The following CDC42BPB variants were observed in gnomAD, a reference collection of about 807,000 sequenced individuals.
CDC42BPB encodes CDC42 binding protein kinase beta, also known as serine/threonine-protein kinase MRCK beta.
CDC42BPB carries 37 observed loss-of-function variants against 214.9 expected under a neutral mutation model. That is an observed-to-expected ratio of 0.17 (90% CI 0.13 to 0.23). The LOEUF (loss-of-function observed/expected upper bound fraction) is 0.23, where lower values mean the gene tolerates loss of function less well. Among genes scored for constraint, CDC42BPB ranks in the 10% least tolerant of loss-of-function variants. The pLI, the probability that CDC42BPB is intolerant of heterozygous loss-of-function variation, is 1.00. For synonymous variants in CDC42BPB, 931 were observed against 884.0 expected (o/e 1.05, Z -0.94); for missense variants, 1,694 against 2,227.0 (o/e 0.76, Z 4.82).
intron 1 of CDC42BPB, chr14:103,042,196 G>A (rs1888038465): frequency 6.5e-6 from 1 of 153,970 alleles, no homozygotes. Flanking sequence ...ATACCATCAA[G>A]ATAGTGAAAT....
chr14:102,948,835 G>A (rs915276327), intron 26 of CDC42BPB, among the ~76,000 whole-genome samples: 15 of 151,972 alleles, frequency 9.9e-5, no homozygotes, highest in African/African-American at 3.4e-4. Context: ...CCAACTTTTC[G>A]TCTACCAGTG....
intron 30 of CDC42BPB, among the ~76,000 whole-genome samples, chr14:102,941,772 C>T (rs1891901450): frequency 1.3e-5 from 2 of 152,254 alleles, no homozygotes. Context: ...CTGTGGCCTT[C>T]AGCTGCCTCC....
chr14:102,952,083 C>T (rs1892515299), intron 24 of CDC42BPB, among the ~76,000 whole-genome samples: 1 of 152,136 alleles, frequency 6.6e-6, no homozygotes, highest in Admixed American at 6.5e-5. Context: ...TGCAGTGGCT[C>T]ATGCCTGTAA....
In CDC42BPB at chr14:103,043,877, A is replaced by T. The variant is rs191914594; in HGVS notation, c.175+13122T>A. Among the ~76,000 whole-genome samples, 74 of 152,132 alleles carry T rather than the reference A, an allele frequency of 4.9e-4. 1 individual carries two copies. The highest frequency in any genetic ancestry group is 8.1e-4 in the Non-Finnish European group (55 of 67,976). ...TTCATAAACACAAATCTTGCTTTTTAAAAAAAATAATTAAATATTTGTAGA... is the reference window on the plus strand; with the variant it reads ...TTCATAAACACAAATCTTGCTTTTTTAAAAAAATAATTAAATATTTGTAGA... On this transcript the variant is annotated intron_variant, in intron 1 of 36. Coordinates refer to ENST00000361246, the MANE Select transcript of CDC42BPB (RefSeq NM_006035.4).
intron 8 of CDC42BPB, among the ~76,000 whole-genome samples, chr14:102,979,698 C>T (rs867206614): frequency 1.3e-5 from 2 of 152,160 alleles, no homozygotes; most frequent in South Asian, 2.1e-4. Context: ...TAATAAGCAA[C>T]GAAGAAGATT....
In CDC42BPB at chr14:103,016,002, CACT is replaced by C. The variant is rs1183038639; in HGVS notation, c.176-3817_176-3815del. On this transcript the variant is annotated intron_variant, in intron 1 of 36. Coordinates refer to ENST00000361246, the MANE Select transcript of CDC42BPB (RefSeq NM_006035.4). Reference sequence around the variant, plus strand: ...AAGTGCTGGGATTACAGGCGTGAGCCACTGCGCCCGGCCGAGGCTGGAATTTTT... The same window carrying C: ...AAGTGCTGGGATTACAGGCGTGAGCCGCGCCCGGCCGAGGCTGGAATTTTT... 6.6e-5 allele frequency among the ~76,000 whole-genome samples: 10 copies of C among 152,050 alleles called. 1 individual carries two copies. Among genetic ancestry groups the C allele is most frequent in the Non-Finnish European group, 1.5e-4 (10 of 68,010 alleles).
intron 4 of CDC42BPB, among the ~76,000 whole-genome samples, chr14:103,002,462 T>A (rs1018469531): frequency 6.6e-6 from 1 of 152,184 alleles, no homozygotes; most frequent in Non-Finnish European, 1.5e-5. Flanking sequence ...TTTAAAAAAA[T>A]ATTAGAAACA....
chr14:102,963,112 C>T lies in CDC42BPB; in HGVS notation c.2770G>A (p.Glu924Lys), dbSNP rs979915485. ...SEAKNRELLE[E>K]MEILKKKMEE... ...ATCTTTTTCTTCAAAATTTCCATTT[C>T]TTCTAATAATTCTCTGTTTTTGGCT... Residue 924 changes from glutamate (E) to lysine (K), a missense_variant, in exon 20 of 37, where the codon GAA becomes AAA. This residue lies in a region of CDC42BPB where 156 missense variants were observed against 154.5 expected (regional missense o/e 1.01). Coordinates refer to ENST00000361246, the MANE Select transcript of CDC42BPB (RefSeq NM_006035.4). 2.5e-6 allele frequency: 4 copies of T among 1,593,684 alleles called. No individual in the cohort carries two copies. Among genetic ancestry groups the T allele is most frequent in the South Asian group, 2.2e-5 (2 of 90,056 alleles).
At position 102,938,315 on chromosome 14, in the gene CDC42BPB, G is replaced by A; in HGVS notation, c.4924C>T (p.Pro1642Ser). 6.2e-7 allele frequency: 1 copy of A among 1,608,214 alleles called. No individual in the cohort carries two copies. Among genetic ancestry groups the A allele is most frequent in the Non-Finnish European group, 8.5e-7 (1 of 1,177,454 alleles). ...CAGGCTTCCCCTGTACCTGATGAGG[G>A]CCACGAGATGTAGGGCTTGTTCCTG... ...PSRNKPYISW[P>S]SSGGSEPSVT... is the part of the protein sequence containing the mutation. The change falls in exon 35 of 37, where the codon CCC (proline) becomes TCC (serine). Residue 1642 changes from proline (P) to serine (S), a missense_variant. This residue lies in a region of CDC42BPB where 146 missense variants were observed against 134.1 expected (regional missense o/e 1.09). Transcript: ENST00000361246.
chr14:102,995,591 G>T (rs1231918962), intron 5 of CDC42BPB, among the ~76,000 whole-genome samples: 1 of 152,212 alleles, frequency 6.6e-6, no homozygotes, highest in African/African-American at 2.4e-5. Context: ...CAGGGTCCTG[G>T]TCTGCCACTG....
At chr14:102,962,887 CT>C (rs555442266) in intron 20 of CDC42BPB, among the ~76,000 whole-genome samples, 173 bp downstream of exon 20, 138 of 152,194 alleles carry the variant, frequency 9.1e-4, no homozygotes, top group Non-Finnish European at 1.4e-3. Flanking sequence ...CAATGGCTAC[CT>C]TTGGGGAAAA....
At chr14:103,019,399 C>A (rs900838343) in intron 1 of CDC42BPB, among the ~76,000 whole-genome samples, 1 of 152,190 alleles carries the variant, frequency 6.6e-6, no homozygotes, top group Non-Finnish European at 1.5e-5. Context: ...TCAGCCATGG[C>A]ACCTGGGCAT....
intron 19 of CDC42BPB, among the ~76,000 whole-genome samples, chr14:102,963,875 TAG>T (rs1366874641): frequency 2.0e-5 from 3 of 152,250 alleles, no homozygotes; most frequent in Non-Finnish European, 2.9e-5. Flanking sequence ...GTAATTCTGT[TAG>T]AGACACTGTC....
intron 1 of CDC42BPB, among the ~76,000 whole-genome samples, chr14:103,038,119 G>A (rs543957342): frequency 3.3e-5 from 5 of 151,500 alleles, no homozygotes; most frequent in South Asian, 2.1e-4. Context: ...GGTGGATCAC[G>A]AGGTCGAGAG....
chr14:102,983,764 G>T lies in CDC42BPB; in HGVS notation c.691-8C>A. The T allele has an allele frequency of 6.2e-7, 1 of 1,611,040 alleles. No homozygotes were observed. Among genetic ancestry groups the T allele is most frequent in the Non-Finnish European group, 8.5e-7 (1 of 1,179,786 alleles). ...GGCCACGGAGGACTGCACCTTAGGGGAGAAGGAGGTGCTGAAGGAAACCCT... is the reference window on the plus strand; with the variant it reads ...GGCCACGGAGGACTGCACCTTAGGGTAGAAGGAGGTGCTGAAGGAAACCCT... On this transcript the variant is annotated splice_region_variant and splice_polypyrimidine_tract_variant and intron_variant, in intron 6 of 36. Coordinates refer to ENST00000361246, the MANE Select transcript of CDC42BPB (RefSeq NM_006035.4).
At chr14:102,981,147 T>C in intron 7 of CDC42BPB, 126 bp from the exon 8 acceptor site, 1 of 1,484,726 alleles carries the variant, frequency 6.7e-7, no homozygotes, top group Non-Finnish European at 8.9e-7. Context: ...GGGAACTAAA[T>C]GCAATCCAAA....
At chr14:103,036,506 A>G (rs1887674918) in intron 1 of CDC42BPB, among the ~76,000 whole-genome samples, 1 of 152,158 alleles carries the variant, frequency 6.6e-6, no homozygotes, top group Admixed American at 6.5e-5. Context: ...TCCTAAAACT[A>G]CAGTAATTCT....
At chr14:102,981,162 A>G (rs1242905390) in intron 7 of CDC42BPB, 141 bp from the exon 8 acceptor site, 2 of 1,450,652 alleles carry the variant, frequency 1.4e-6, no homozygotes, top group Non-Finnish European at 1.8e-6. Context: ...TCCAAAGCTA[A>G]TAAATTTCCA....
Position 103,004,154 on chromosome 14 carries a change from T to C in CDC42BPB, c.352-131A>G. ...TCCCTGCCTTCCGGGCTCCTCCTCG[T>C]GCACCACCCCGAGGCTGCTGAGGCT... is the stretch of plus-strand genomic sequence containing the variant. On this transcript the variant is annotated intron_variant, in intron 3 of 36. Transcript: ENST00000361246. The surrounding 1 kb of genome is among the most constrained non-coding windows in gnomAD (Gnocchi z 5.3). The C allele has an allele frequency of 7.1e-7, 1 of 1,403,682 alleles. No individual in the cohort carries two copies. The highest frequency in any genetic ancestry group is 9.3e-7 in the Non-Finnish European group (1 of 1,074,304). 87.0% of individuals were successfully genotyped at this position (1,403,682 alleles called of 1,614,324 possible).
Sources: allele counts gnomAD v4.1 joint callset (sites outside exome capture counted in the v4.1 genomes callset), GRCh38; gene constraint gnomAD v4.1.1; regional missense constraint gnomAD v4.1.1; non-coding constraint Gnocchi (gnomAD v3.1); transcripts MANE v1.5; gene names NCBI Gene and HGNC (gene_info 2026-07-23, HGNC 2026-07-21).